The following DNAH3 variants were observed in gnomAD, a reference collection of about 807,000 sequenced individuals.
The protein encoded by DNAH3 is axonemal beta dynein heavy chain 3.
DNAH3 carries 332 observed loss-of-function variants against 432.5 expected under a neutral mutation model. That is an observed-to-expected ratio of 0.77 (90% CI 0.70 to 0.84). The LOEUF (loss-of-function observed/expected upper bound fraction) is 0.84, where lower values mean the gene tolerates loss of function less well. Among genes scored for constraint, DNAH3 ranks in the 40% least tolerant of loss-of-function variants. The pLI, the probability that DNAH3 is intolerant of heterozygous loss-of-function variation, is 0.00. For synonymous variants in DNAH3, 1,956 were observed against 1,900.2 expected, an observed-to-expected ratio of 1.03 and a Z score of -0.76; for missense variants, 4,861 against 5,114.0, an observed-to-expected ratio of 0.95 and a Z score of 1.51.
At chr16:21,019,493 T>A (rs2088038761) in intron 41 of DNAH3, 131 bp downstream of exon 41, 1 of 993,062 alleles carries the variant, frequency 1.0e-6, no homozygotes, top group Non-Finnish European at 1.5e-6. Context: ...ATTCCTTACA[T>A]ATTTATTAGC....
chr16:20,983,211 C>T (rs1350677552), intron 48 of DNAH3, among the ~76,000 whole-genome samples: 5 of 152,268 alleles, frequency 3.3e-5, no homozygotes, highest in African/African-American at 1.2e-4. Context: ...CTGCAACCTC[C>T]GCCTCCTGGG....
intron 43 of DNAH3, among the ~76,000 whole-genome samples, chr16:20,998,763 A>AGGG (rs1159615421): frequency 2.5e-4 from 26 of 103,482 alleles, no homozygotes; most frequent in African/African-American, 8.2e-4. Context: ...AAAAAAAAAA[A>AGGG]GGGGGGGGCT....
chr16:20,955,131 C>T, intron 54 of DNAH3, 74 bp from the exon 55 acceptor site: 3 of 1,441,090 alleles, frequency 2.1e-6, no homozygotes, highest in Admixed American at 4.5e-5. Flanking sequence ...AAAAACAAAA[C>T]AATAACAATA....
rs773580948 is a variant in DNAH3, at chr16:20,963,237, A to G, written c.10600+47T>C. ...AGGGACGGGCTACTGATATCCACCC[A>G]CACATACTGGGCTTTCCACGTCTCT... On this transcript the variant is annotated intron_variant, in intron 53 of 61. Transcript: ENST00000261383. The G allele has an allele frequency of 3.8e-6, 6 of 1,561,428 alleles. No individual in the cohort carries two copies. In the South Asian group the frequency reaches 5.8e-5, roughly 15 times the overall value.
At chr16:21,116,548 T>C (rs2092205477) in intron 12 of DNAH3, among the ~76,000 whole-genome samples, 1 of 152,164 alleles carries the variant, frequency 6.6e-6, no homozygotes, top group Non-Finnish European at 1.5e-5. Context: ...GTGAGTCAAT[T>C]AAGCCTCTTT....
intron 41 of DNAH3, among the ~76,000 whole-genome samples, chr16:21,011,961 A>G (rs905403502): frequency 6.6e-6 from 1 of 152,126 alleles, no homozygotes; most frequent in African/African-American, 2.4e-5. Flanking sequence ...TCCCCATTTT[A>G]TAATTGAGGG....
intron 5 of DNAH3, among the ~76,000 whole-genome samples, chr16:21,138,964 T>A (rs2092681768): frequency 6.6e-6 from 1 of 152,186 alleles, no homozygotes; most frequent in African/African-American, 2.4e-5. Context: ...AGAACCTGGG[T>A]CTCAAGTGGG....
intron 51 of DNAH3, among the ~76,000 whole-genome samples, chr16:20,971,127 C>G (rs1283309465): frequency 6.6e-6 from 1 of 152,088 alleles, no homozygotes; most frequent in Non-Finnish European, 1.5e-5. Context: ...CTCGGCCTCC[C>G]AAAGTGCTGG....
intron 16 of DNAH3, among the ~76,000 whole-genome samples, chr16:21,103,580 C>T (rs1316372573): frequency 2.6e-5 from 4 of 152,176 alleles, no homozygotes; most frequent in Non-Finnish European, 4.4e-5. Context: ...ATGTTTTGCA[C>T]TCCCTGGGGA....
At chr16:20,953,488 C>A (rs1166106042) in intron 55 of DNAH3, among the ~76,000 whole-genome samples, 1 of 152,060 alleles carries the variant, frequency 6.6e-6, no homozygotes, top group Non-Finnish European at 1.5e-5. Context: ...TCCTCCCAAA[C>A]ACTCGCTTTC....
In DNAH3 at chr16:21,000,134, T is replaced by C. The variant is rs938222841; in HGVS notation, c.6421+90A>G. On this transcript the variant is annotated intron_variant, in intron 43 of 61. Transcript: ENST00000261383. ...TGATCTCCCAGGGAGAGTAAAGGTATGTACAGTGGCACCACAAGCAGAAGC... is the reference window on the plus strand; with the variant it reads ...TGATCTCCCAGGGAGAGTAAAGGTACGTACAGTGGCACCACAAGCAGAAGC... 18 of 1,361,564 alleles carry C rather than the reference T, an allele frequency of 1.3e-5. No individual in the cohort carries two copies. In the Admixed American group the frequency reaches 2.3e-4, roughly 17 times the overall value. The allele number at this position is 1,361,564 out of a possible 1,614,324, so 84.3% of individuals were successfully genotyped here.
chr16:20,952,021 G>GCGTGAGCCA (rs1425423717), intron 56 of DNAH3, among the ~76,000 whole-genome samples: 1 of 152,006 alleles, frequency 6.6e-6, no homozygotes, highest in Admixed American at 6.6e-5. Context: ...GGGCTTACAG[G>GCGTGAGCCA]CGTGAGCCAC....
At chr16:20,998,769 G>A (rs867722853) in intron 43 of DNAH3, among the ~76,000 whole-genome samples, 1,787 of 145,588 alleles carry the variant, frequency 0.012, 49 homozygotes, top group African/African-American at 0.045. Flanking sequence ...AAAAAGGGGG[G>A]GGCTCCTTTA....
intron 29 of DNAH3, among the ~76,000 whole-genome samples, chr16:21,050,689 C>A (rs777026381): frequency 2.0e-5 from 3 of 152,190 alleles, no homozygotes; most frequent in Non-Finnish European, 2.9e-5. Flanking sequence ...AGTGATCCAC[C>A]CACCTTGGCC....
intron 59 of DNAH3, 132 bp from the exon 60 acceptor site, chr16:20,936,985 C>A: frequency 1.4e-6 from 1 of 701,352 alleles, no homozygotes. Context: ...AATTAAATCA[C>A]CCGTTACCTT....
In DNAH3 at chr16:21,067,400, A is replaced by G. The variant is rs768638918; in HGVS notation, c.3401T>C (p.Leu1134Pro). 184 of 1,613,780 alleles carry G rather than the reference A, an allele frequency of 1.1e-4. 1 individual carries two copies. The highest frequency in any genetic ancestry group is 1.5e-4 in the Non-Finnish European group (176 of 1,179,872). ...CATCCGTGGCTGGTCGGCTGCCACC[A>G]GAATCCTGTTATCTTTCACCTGGGT... is the stretch of plus-strand genomic sequence containing the variant. Residue 1134 changes from leucine (L) to proline (P), a missense_variant, in exon 24 of 62, where the codon CTG (leucine) becomes CCG (proline). Coordinates refer to ENST00000261383, the Ensembl canonical transcript of DNAH3.
intron 18 of DNAH3, among the ~76,000 whole-genome samples, chr16:21,090,154 A>G (rs544448720): frequency 3.3e-5 from 5 of 152,174 alleles, no homozygotes; most frequent in South Asian, 2.1e-4. Flanking sequence ...GAATAGTTTT[A>G]TAACTATTGA....
chr16:20,990,728 T>C (rs1457659105), intron 44 of DNAH3, among the ~76,000 whole-genome samples: 2 of 152,092 alleles, frequency 1.3e-5, no homozygotes, highest in African/African-American at 2.4e-5. Context: ...GATTAAGAAA[T>C]AGAATTTTGC....
chr16:21,113,594 G>C (rs1387348014), intron 12 of DNAH3, among the ~76,000 whole-genome samples: 1 of 152,114 alleles, frequency 6.6e-6, no homozygotes, highest in Non-Finnish European at 1.5e-5. Flanking sequence ...GAGTAGCTGG[G>C]ATTAGAGGCA....
Sources: gnomAD v4.1 joint callset for allele counts (sites outside exome capture counted in the v4.1 genomes callset) on GRCh38, gnomAD v4.1.1 for gene constraint, MANE v1.5 for transcripts, NCBI Gene and HGNC (gene_info 2026-07-23, HGNC 2026-07-21) for gene names.